RIF1: variants seen among roughly 807,000 people sequenced by gnomAD.
The protein encoded by RIF1 is telomere-associated protein RIF1.
In RIF1, 45 loss-of-function variants were observed where a neutral mutation model predicts 247.1. The observed-to-expected ratio is 0.18, with a 90% CI of 0.14 to 0.23. RIF1 has a LOEUF of 0.23. Ranked by LOEUF, RIF1 falls within the 10% of genes least tolerant of loss-of-function variation. The pLI, the probability that RIF1 is intolerant of heterozygous loss-of-function variation, is 1.00. For missense variants in RIF1, 2,967 were observed against 2,862.5 expected (o/e 1.04, Z -0.83); for synonymous variants, 1,087 against 978.8 (o/e 1.11, Z -2.06).
chr2:151,526,350 C>A, the RIF1 span: 1 of 891,626 alleles, frequency 1.1e-6, no homozygotes, highest in East Asian at 2.6e-5. Context: ...AGAACAGCAG[C>A]GTTGACAATA....
chr2:151,486,917 A>G (rs1035352907), downstream of RIF1, among the ~76,000 whole-genome samples: 1 of 152,226 alleles, frequency 6.6e-6, no homozygotes, highest in Non-Finnish European at 1.5e-5. Context: ...TCACCAGAAG[A>G]GTTTTGAATA....
the RIF1 span, among the ~76,000 whole-genome samples, chr2:151,517,333 G>A: frequency 6.6e-6 from 1 of 152,306 alleles, no homozygotes; most frequent in South Asian, 2.1e-4. Context: ...GAGCTCTTGG[G>A]TTGTAACAAG....
At chr2:151,440,331 CAA>C (rs925055636) in intron 15 of RIF1, among the ~76,000 whole-genome samples, 20 of 151,976 alleles carry the variant, frequency 1.3e-4, no homozygotes, top group Non-Finnish European at 2.4e-4. Context: ...ACAACAGCCA[CAA>C]AAGTCTTCAA....
chr2:151,461,384 T>G, intron 27 of RIF1, 95 bp downstream of exon 27: 1 of 1,199,538 alleles, frequency 8.3e-7, no homozygotes, highest in Non-Finnish European at 1.2e-6. Context: ...CTAAAATATG[T>G]GTACTAATTT....
the RIF1 span, chr2:151,519,706 G>A: frequency 1.9e-6 from 3 of 1,612,934 alleles, no homozygotes; most frequent in South Asian, 2.2e-5. Flanking sequence ...AGAGCTGGCT[G>A]TCTTTTGGAT....
At chr2:151,494,157 A>G in intron 9 of RIF1, 1 of 1,600,634 alleles carries the variant, frequency 6.2e-7, no homozygotes, top group Admixed American at 1.7e-5. Context: ...TCTCAAGACA[A>G]TACCGAGCTA....
At chr2:151,502,213 T>C (rs1383710819) in intron 11 of RIF1, among the ~76,000 whole-genome samples, 15 of 152,122 alleles carry the variant, frequency 9.9e-5, no homozygotes, top group Non-Finnish European at 2.1e-4. Context: ...CTTTGGGGAC[T>C]TGCAGGAAAG....
chr2:151,528,004 ATTATAAAATT>A, the RIF1 span, among the ~76,000 whole-genome samples: 1 of 152,242 alleles, frequency 6.6e-6, no homozygotes, highest in East Asian at 1.9e-4. Flanking sequence ...AATTAAATGA[ATTATAAAATT>A]TTATAAAATT....
At chr2:151,497,041 A>G (rs2060689117) in intron 10 of RIF1, 2 of 1,561,328 alleles carry the variant, frequency 1.3e-6, no homozygotes, top group African/African-American at 1.4e-5. Flanking sequence ...CACCTGTGCG[A>G]TAAGAAAGCA....
the RIF1 span, among the ~76,000 whole-genome samples, chr2:151,521,695 A>C: frequency 6.6e-6 from 1 of 152,240 alleles, no homozygotes; most frequent in Non-Finnish European, 1.5e-5. Context: ...TTCAAGCAGC[A>C]ATCCCATTGA....
chr2:151,520,324 T>TG, the RIF1 span, among the ~76,000 whole-genome samples: 1 of 152,128 alleles, frequency 6.6e-6, no homozygotes, highest in Non-Finnish European at 1.5e-5. Flanking sequence ...TATGAGAGTT[T>TG]GGGGGTTAAT....
intron 21 of RIF1, among the ~76,000 whole-genome samples, chr2:151,453,005 A>T (rs141714832): frequency 7.9e-4 from 120 of 152,338 alleles, no homozygotes; most frequent in Admixed American, 2.5e-3. Flanking sequence ...ACTAACCGAA[A>T]GGAAATTGTT....
chr2:151,458,054 G>T (rs949307583), intron 24 of RIF1, 91 bp downstream of exon 24: 7 of 886,330 alleles, frequency 7.9e-6, no homozygotes, highest in African/African-American at 3.4e-5. Context: ...TTCTTATGGG[G>T]TATTGTTACA....
chr2:151,411,613 C>T (rs2152067625), intron 3 of RIF1, among the ~76,000 whole-genome samples: 1 of 152,204 alleles, frequency 6.6e-6, no homozygotes, highest in East Asian at 1.9e-4. Context: ...GTTGGTCAGG[C>T]TGGTCTCGAA....
At chr2:151,459,371 ACG>A (rs1695758233) in intron 25 of RIF1, among the ~76,000 whole-genome samples, 1 of 152,238 alleles carries the variant, frequency 6.6e-6, no homozygotes. Context: ...AGTTAAAGGC[ACG>A]GGTACTATAG....
At chr2:151,498,609 C>T (rs2062003906) in intron 10 of RIF1, among the ~76,000 whole-genome samples, 1 of 152,152 alleles carries the variant, frequency 6.6e-6, no homozygotes, top group African/African-American at 2.4e-5. Flanking sequence ...ATCTCTGCAG[C>T]ACTGAGCAAC....
In RIF1 at chr2:151,492,100, G is replaced by A. The variant is rs372762302; in HGVS notation, c.*416-3129G>A. Reference sequence around the variant, plus strand: ...TCCCCCAACCCAGGCTCAGTTACCTGTAATAGTCTCCTGATCTTGGTCATT... The same window carrying A: ...TCCCCCAACCCAGGCTCAGTTACCTATAATAGTCTCCTGATCTTGGTCATT... On this transcript the variant is annotated intron_variant and NMD_transcript_variant, in intron 9 of 13. Transcript: ENST00000454583. The A allele has an allele frequency of 2.4e-5, 38 of 1,613,784 alleles. No individual in the cohort carries two copies. In the African/African-American group the frequency reaches 3.6e-4, roughly 15 times the overall value.
intron 13 of RIF1, among the ~76,000 whole-genome samples, chr2:151,437,792 A>G (rs1691517974): frequency 6.6e-6 from 1 of 152,246 alleles, no homozygotes; most frequent in Admixed American, 6.5e-5. Flanking sequence ...TAATTTTCGC[A>G]GTAACATACC....
At chr2:151,447,881 T>C (rs1338878630) in intron 20 of RIF1, among the ~76,000 whole-genome samples, 3 of 152,148 alleles carry the variant, frequency 2.0e-5, no homozygotes, top group Admixed American at 1.3e-4. Context: ...TTTTTTCTAT[T>C]ATTTATTACT....
Sources: allele counts gnomAD v4.1 joint callset (sites outside exome capture counted in the v4.1 genomes callset), GRCh38; gene constraint gnomAD v4.1.1; transcripts MANE v1.5; gene names NCBI Gene and HGNC (gene_info 2026-07-23, HGNC 2026-07-21).